UBE2K: variants seen among roughly 807,000 people sequenced by gnomAD.
The protein encoded by UBE2K is ubiquitin-conjugating enzyme E2 K.
In UBE2K, 6 loss-of-function variants were observed where a neutral mutation model predicts 30.0. The observed-to-expected ratio is 0.20, with a 90% CI of 0.11 to 0.39. The LOEUF is 0.39. UBE2K is among the 10% of genes least tolerant of loss of function. UBE2K has a pLI of 1.00. For synonymous variants in UBE2K, 86 were observed against 83.7 expected, an observed-to-expected ratio of 1.03 and a Z score of -0.15; for missense variants, 61 against 241.6, an observed-to-expected ratio of 0.25 and a Z score of 4.96.
chr4:39,731,063 G>A (rs991869074), intron 1 of UBE2K, among the ~76,000 whole-genome samples: 14 of 151,904 alleles, frequency 9.2e-5, no homozygotes, highest in Non-Finnish European at 1.5e-4. Flanking sequence ...TCAACTCACT[G>A]CAACCTCTGC....
intron 1 of UBE2K, among the ~76,000 whole-genome samples, chr4:39,711,694 G>A (rs1365136214): frequency 6.6e-6 from 1 of 151,822 alleles, no homozygotes; most frequent in Non-Finnish European, 1.5e-5. Context: ...CTGCCTGACT[G>A]GACATTGCTT....
chr4:39,740,947 G>A (rs1216671206), intron 2 of UBE2K, among the ~76,000 whole-genome samples: 4 of 150,648 alleles, frequency 2.7e-5, no homozygotes, highest in East Asian at 3.9e-4. Context: ...TCCCGATACC[G>A]AGAATGGGAC....
chr4:39,737,795 C>T (rs1720455517), intron 2 of UBE2K, among the ~76,000 whole-genome samples: 1 of 152,096 alleles, frequency 6.6e-6, no homozygotes, highest in Admixed American at 6.5e-5. Flanking sequence ...GCATGGTAAA[C>T]CTCTAAATCA....
At chr4:39,769,213 GTTT>G (rs60471860) in intron 4 of UBE2K, among the ~76,000 whole-genome samples, 10 of 128,688 alleles carry the variant, frequency 7.8e-5, no homozygotes, top group African/African-American at 2.6e-4. Flanking sequence ...GTTTCTTTTT[GTTT>G]TTTTTTTTTT....
rs571333515 is a variant in UBE2K at position 39,757,120 on chromosome 4, G to A, written c.299+1381G>A. 2.2e-4 allele frequency among the ~76,000 whole-genome samples: 33 copies of A among 151,280 alleles called. No individual in the cohort carries two copies. In the South Asian group the frequency reaches 6.1e-3, roughly 28 times the overall value. On this transcript the variant is annotated intron_variant, in intron 4 of 6. Transcript: ENST00000261427. ...GGCTCACTGCAACCTCTGCCTACCGGGTTCAAGCGATTCTCCTGCCTTAGC... is the reference window on the plus strand; with the variant it reads ...GGCTCACTGCAACCTCTGCCTACCGAGTTCAAGCGATTCTCCTGCCTTAGC...
At chr4:39,757,487 G>A (rs1346907338) in intron 4 of UBE2K, among the ~76,000 whole-genome samples, 5 of 151,760 alleles carry the variant, frequency 3.3e-5, no homozygotes, top group Admixed American at 6.6e-5. Context: ...TTCTATTCCA[G>A]TAGTATATCT....
intron 4 of UBE2K, chr4:39,760,974 A>T (rs567946284): frequency 6.6e-5 from 10 of 152,326 alleles, no homozygotes; most frequent in African/African-American, 2.4e-4. Flanking sequence ...AACTTTGCTT[A>T]AACTTTAACA....
chr4:39,743,785 T>C (rs953275135), intron 2 of UBE2K, among the ~76,000 whole-genome samples: 2 of 152,236 alleles, frequency 1.3e-5, no homozygotes, highest in African/African-American at 2.4e-5. Context: ...TTCTATGTTA[T>C]TAATCTTAGA....
At chr4:39,710,070 A>C (rs1392214573) in intron 1 of UBE2K, 1 of 151,832 alleles carries the variant, frequency 6.6e-6, no homozygotes. Context: ...GCTTTTTTAA[A>C]ATTTTTTTAT....
chr4:39,761,313 C>A (rs1192911271), intron 4 of UBE2K: 3 of 152,144 alleles, frequency 2.0e-5, no homozygotes, highest in Non-Finnish European at 2.9e-5. Flanking sequence ...AAAATAAAAT[C>A]TTTAGTATAA....
At chr4:39,732,998 T>C (rs1168506100) in intron 1 of UBE2K, among the ~76,000 whole-genome samples, 1 of 147,762 alleles carries the variant, frequency 6.8e-6, no homozygotes, top group Non-Finnish European at 1.5e-5. Flanking sequence ...CTTTTATATA[T>C]CTCTGTTCCT....
intron 1 of UBE2K, among the ~76,000 whole-genome samples, chr4:39,706,099 C>T (rs1433047687): frequency 6.6e-6 from 1 of 152,168 alleles, no homozygotes; most frequent in Non-Finnish European, 1.5e-5. Flanking sequence ...GCAAGCTCCG[C>T]CTCTCAGGTT....
At chr4:39,771,595 G>T (rs541763144) in intron 4 of UBE2K, among the ~76,000 whole-genome samples, 1 of 152,172 alleles carries the variant, frequency 6.6e-6, no homozygotes, top group Admixed American at 6.5e-5. Context: ...GCGCGCTCGC[G>T]CTGGCGGGGC....
intron 1 of UBE2K, among the ~76,000 whole-genome samples, chr4:39,712,748 C>G (rs1489373237): frequency 6.6e-6 from 1 of 151,038 alleles, no homozygotes; most frequent in Non-Finnish European, 1.5e-5. Flanking sequence ...GTTTTTGTCA[C>G]TATGATGGAT....
At chr4:39,723,882 G>A (rs755503615) in intron 1 of UBE2K, among the ~76,000 whole-genome samples, 5 of 151,570 alleles carry the variant, frequency 3.3e-5, no homozygotes, top group Non-Finnish European at 5.9e-5. Context: ...GCACAATCGC[G>A]GCTTATTGCT....
intron 1 of UBE2K, among the ~76,000 whole-genome samples, chr4:39,704,869 CTTTT>C (rs35972302): frequency 2.5e-5 from 3 of 121,348 alleles, no homozygotes; most frequent in Admixed American, 1.7e-4. Flanking sequence ...GACTATACAC[CTTTT>C]TTTTTTTTTT....
At chr4:39,749,622 T>G (rs145755122) in intron 3 of UBE2K, among the ~76,000 whole-genome samples, 1 of 152,086 alleles carries the variant, frequency 6.6e-6, no homozygotes, top group Non-Finnish European at 1.5e-5. Flanking sequence ...GAGGTTGCAG[T>G]GAGCCGAGAT....
At chr4:39,757,017 T>TG (rs1721563423) in intron 4 of UBE2K, among the ~76,000 whole-genome samples, 1 of 103,336 alleles carries the variant, frequency 9.7e-6, no homozygotes, top group Admixed American at 1.2e-4. Flanking sequence ...TTTTGTTTTT[T>TG]GTTTTTTGTT....
At chr4:39,717,997 CAA>C (rs972253993) in intron 1 of UBE2K, among the ~76,000 whole-genome samples, 4 of 151,894 alleles carry the variant, frequency 2.6e-5, no homozygotes, top group Non-Finnish European at 5.9e-5. Context: ...AGTGTGGACC[CAA>C]AGAGTGAGCA....
Sources: gnomAD v4.1 joint callset for allele counts (sites outside exome capture counted in the v4.1 genomes callset) on GRCh38, gnomAD v4.1.1 for gene constraint, MANE v1.5 for transcripts, NCBI Gene and HGNC (gene_info 2026-07-23, HGNC 2026-07-21) for gene names.